Variants in PTPRA observed in about 807,000 individuals in gnomAD.
PTPRA encodes the protein receptor-type tyrosine-protein phosphatase alpha.
PTPRA carries 25 observed loss-of-function variants against 104.8 expected under a neutral mutation model. That is an observed-to-expected ratio of 0.24 (90% CI 0.17 to 0.33). PTPRA has a LOEUF of 0.33. PTPRA is among the 10% of genes least tolerant of loss of function. The pLI, the probability that PTPRA is intolerant of heterozygous loss-of-function variation, is 1.00. For missense variants in PTPRA, 765 were observed against 1,015.3 expected (o/e 0.75, Z 3.35); for synonymous variants, 323 against 368.9 (o/e 0.88, Z 1.43).
the PTPRA span, chr20:2,866,128 T>A: frequency 8.6e-7 from 1 of 1,156,882 alleles, no homozygotes; most frequent in Non-Finnish European, 1.3e-6. Flanking sequence ...ATGGACGATG[T>A]ATGCATTGCG....
At chr20:2,948,770 T>C (rs1040545335) in intron 3 of PTPRA, among the ~76,000 whole-genome samples, 3 of 151,674 alleles carry the variant, frequency 2.0e-5, no homozygotes, top group African/African-American at 7.2e-5. Context: ...GCTAACACAG[T>C]GAAACCCTGT....
intron 9 of PTPRA, among the ~76,000 whole-genome samples, chr20:3,004,499 C>G (rs907610768): frequency 1.3e-5 from 2 of 152,216 alleles, no homozygotes; most frequent in African/African-American, 4.8e-5. Context: ...TGCTTCTTAA[C>G]TGCTGCATCT....
chr20:2,901,596 TG>T lies in PTPRA; in HGVS notation c.-128-21610del, dbSNP rs151034069. On this transcript the variant is annotated intron_variant, in intron 1 of 23. Coordinates refer to ENST00000399903, the MANE Select transcript of PTPRA (RefSeq NM_001385305.1). ...TCTTGCCTTAGAAATGCAGCTGAGA[TG>T]AATGAACCTGTTACTTATGTTATAT... Among the ~76,000 whole-genome samples the T allele has an allele frequency of 3.8e-3, 581 of 152,322 alleles. 3 individuals carry two copies. The highest frequency in any genetic ancestry group is 0.014 in the African/African-American group (571 of 41,576).
At chr20:2,997,474 A>C (rs1482729043) in intron 9 of PTPRA, among the ~76,000 whole-genome samples, 1 of 152,202 alleles carries the variant, frequency 6.6e-6, no homozygotes, top group African/African-American at 2.4e-5. Context: ...TCTTGTGGTC[A>C]GGTCTCTATA....
chr20:3,007,608 C>A (rs2063934736), intron 11 of PTPRA, among the ~76,000 whole-genome samples, 188 bp downstream of exon 11: 1 of 152,098 alleles, frequency 6.6e-6, no homozygotes, highest in South Asian at 2.1e-4. Flanking sequence ...TCTATATTTA[C>A]CCTGTCGTCA....
Position 3,022,036 on chromosome 20 carries a change from G to C in PTPRA, c.1162-18G>C. The C allele has an allele frequency of 2.5e-6, 4 of 1,613,810 alleles. No individual in the cohort carries two copies. The highest frequency in any genetic ancestry group is 3.4e-6 in the Non-Finnish European group (4 of 1,179,814). On this transcript the variant is annotated intron_variant, in intron 14 of 23. Transcript: ENST00000399903. This position sits in a 1 kb window ranked among gnomAD's most constrained non-coding sequence, Gnocchi z 4.6. ...CTTGGGTATCAGGGCCAACACACAG[G>C]ATCTCCTCACTTCACAGGTGGGCGA...
intron 1 of PTPRA, among the ~76,000 whole-genome samples, chr20:2,915,452 T>TG (rs1389263508): frequency 6.7e-6 from 1 of 148,518 alleles, no homozygotes; most frequent in Non-Finnish European, 1.5e-5. Context: ...TTTTTTAAAT[T>TG]GGGGGGAAGT....
At chr20:2,864,673 G>C in the PTPRA span, 21 of 1,597,838 alleles carry the variant, frequency 1.3e-5, no homozygotes, top group Non-Finnish European at 1.7e-5. The surrounding 1 kb of genome is among the most constrained non-coding windows in gnomAD (Gnocchi z 5.2). Context: ...TCCATGGGGC[G>C]TGTGGGGCGT....
intron 7 of PTPRA, among the ~76,000 whole-genome samples, chr20:2,987,413 G>A (rs1434828740): frequency 6.6e-6 from 1 of 151,910 alleles, no homozygotes; most frequent in Non-Finnish European, 1.5e-5. Context: ...GGAACCCAAG[G>A]GAGAGAAGAG....
rs377573225 is a variant in PTPRA at position 2,959,707 on chromosome 20, C to T, written c.-6-4565C>T. ...GTGGCTCACACCTGTAATCCCAGCA[C>T]TTTGGAAGGCCAAGGTGGGCAGATC... On this transcript the variant is annotated intron_variant, in intron 3 of 23. Transcript: ENST00000399903. Among the ~76,000 whole-genome samples, 32 of 152,258 alleles carry T rather than the reference C, an allele frequency of 2.1e-4. No homozygotes were observed. The East Asian group carries it at 5.0e-3, about 24-fold the overall frequency.
intron 9 of PTPRA, 145 bp downstream of exon 9, chr20:2,988,619 C>A (rs1490685733): frequency 6.6e-6 from 8 of 1,211,504 alleles, no homozygotes; most frequent in Non-Finnish European, 7.9e-6. Flanking sequence ...TATCTGACTC[C>A]CTGTATGATC....
intron 9 of PTPRA, among the ~76,000 whole-genome samples, chr20:3,002,185 TG>T (rs2063661201): frequency 2.0e-5 from 3 of 151,640 alleles, no homozygotes; most frequent in Non-Finnish European, 4.4e-5. Flanking sequence ...GACAAAAAAT[TG>T]GTTCCCTTTG....
intron 1 of PTPRA, among the ~76,000 whole-genome samples, chr20:2,917,979 C>T (rs891842824): frequency 1.3e-5 from 2 of 150,712 alleles, no homozygotes; most frequent in Non-Finnish European, 2.9e-5. Context: ...ATCCCAGCTA[C>T]TCTGGAGGCT....
At chr20:3,020,129 G>A (rs920005271) in intron 13 of PTPRA, among the ~76,000 whole-genome samples, 8 of 152,128 alleles carry the variant, frequency 5.3e-5, no homozygotes, top group South Asian at 4.1e-4. Flanking sequence ...TGTTTTTTGA[G>A]ACGGAGTCTC....
At chr20:2,997,422 GA>G (rs1159304099) in intron 9 of PTPRA, among the ~76,000 whole-genome samples, 1 of 152,154 alleles carries the variant, frequency 6.6e-6, no homozygotes, top group Non-Finnish European at 1.5e-5. Flanking sequence ...ATAACATCTA[GA>G]ATAAAGAAGT....
At chr20:2,864,383 AC>A in the PTPRA span, 1 of 1,614,120 alleles carries the variant, frequency 6.2e-7, no homozygotes, top group Non-Finnish European at 8.5e-7. This position sits in a 1 kb window ranked among gnomAD's most constrained non-coding sequence, Gnocchi z 5.2. Flanking sequence ...GTGTTGCTGC[AC>A]CTGAAGAACG....
At chr20:2,953,346 C>G (rs577105646) in intron 3 of PTPRA, among the ~76,000 whole-genome samples, 25 of 152,166 alleles carry the variant, frequency 1.6e-4, no homozygotes, top group African/African-American at 6.0e-4. Context: ...CCTCTGCCCC[C>G]CGGGTTCAAG....
chr20:2,958,659 A>T (rs1159777030), intron 3 of PTPRA, among the ~76,000 whole-genome samples: 3 of 25,702 alleles, frequency 1.2e-4, no homozygotes, highest in African/African-American at 2.5e-4. Flanking sequence ...CATCTCTACT[A>T]AAAAAAAAAA....
At chr20:2,865,209 G>C in the PTPRA span, 1 of 1,614,168 alleles carries the variant, frequency 6.2e-7, no homozygotes, top group Admixed American at 1.7e-5. The surrounding 1 kb of genome is among the most constrained non-coding windows in gnomAD (Gnocchi z 5.2). Context: ...GAGCTGGGGG[G>C]CCAGTTCCTA....
Sources: gnomAD v4.1 joint callset for allele counts (sites outside exome capture counted in the v4.1 genomes callset) on GRCh38, gnomAD v4.1.1 for gene constraint, Gnocchi (gnomAD v3.1) non-coding constraint, MANE v1.5 for transcripts, NCBI Gene and HGNC (gene_info 2026-07-23, HGNC 2026-07-21) for gene names.